PCDH15: variants seen among roughly 807,000 people sequenced by gnomAD.
The protein encoded by PCDH15 is protocadherin-15.
Under a neutral mutation model 178.5 loss-of-function variants are expected in PCDH15, and 129 were observed. That is an observed-to-expected ratio of 0.72 (90% CI 0.63 to 0.84). PCDH15 has a LOEUF of 0.84. PCDH15 is among the 40% of genes least tolerant of loss of function. The probability of loss-of-function intolerance (pLI) is 0.00; values close to 1 mark genes in which losing one functional copy is unlikely to be tolerated. For missense variants in PCDH15, 2,230 were observed against 2,099.9 expected, an observed-to-expected ratio of 1.06 and a Z score of -1.21; for synonymous variants, 800 against 732.0, an observed-to-expected ratio of 1.09 and a Z score of -1.50.
intron 23 of PCDH15, among the ~76,000 whole-genome samples, chr10:53,957,500 T>A (rs1413636810): frequency 9.5e-6 from 1 of 104,852 alleles, no homozygotes; most frequent in East Asian, 3.6e-4. Context: ...CTATATTTAC[T>A]ATGTTTTTTT....
chr10:55,156,367 T>C (rs1838889990), intron 2 of PCDH15, among the ~76,000 whole-genome samples: 1 of 152,120 alleles, frequency 6.6e-6, no homozygotes, highest in Non-Finnish European at 1.5e-5. Context: ...TTGTGGTCTT[T>C]GGTATAGGTA....
At position 53,878,409 on chromosome 10, in the gene PCDH15, G is replaced by A. The variant is rs184420377; in HGVS notation, c.3502-11552C>T. Among the ~76,000 whole-genome samples, 655 of 119,674 alleles carry A rather than the reference G, an allele frequency of 5.5e-3. 2 individuals carry two copies. The highest frequency in any genetic ancestry group is 0.017 in the African/African-American group (578 of 33,896). 78.5% of individuals were successfully genotyped at this position (119,674 alleles called of 152,430 possible). A position where few individuals can be genotyped will look rare whatever the true frequency, so the allele number is the denominator to read the frequency against. ...GTCTATATATATACTATACTATGGCGTACACACACGTTGAATATATATATA... is the reference window on the plus strand; with the variant it reads ...GTCTATATATATACTATACTATGGCATACACACACGTTGAATATATATATA... On this transcript the variant is annotated intron_variant, in intron 26 of 37. Transcript: ENST00000644397.
intron 7 of PCDH15, among the ~76,000 whole-genome samples, chr10:54,319,832 G>A (rs1384248658): frequency 1.3e-5 from 2 of 151,574 alleles, no homozygotes; most frequent in Non-Finnish European, 2.9e-5. Flanking sequence ...GTACATTTTG[G>A]TTAAGCTCAT....
intron 2 of PCDH15, among the ~76,000 whole-genome samples, chr10:55,473,628 G>T (rs544811838): frequency 3.8e-4 from 58 of 152,212 alleles, no homozygotes; most frequent in African/African-American, 1.4e-3. Context: ...TGAGTAAACT[G>T]TAATCCTGTA....
intron 10 of PCDH15, among the ~76,000 whole-genome samples, chr10:54,207,361 GTT>G (rs1352008581): frequency 4.9e-5 from 6 of 122,944 alleles, no homozygotes; most frequent in African/African-American, 2.0e-4. Context: ...ATACTGTTTT[GTT>G]TTGTGTGTGT....
chr10:55,103,509 G>T (rs572868738), intron 2 of PCDH15, among the ~76,000 whole-genome samples: 1 of 152,202 alleles, frequency 6.6e-6, no homozygotes, highest in South Asian at 2.1e-4. Flanking sequence ...GATTGGTTTT[G>T]TTGTAAATCC....
At chr10:54,667,201 A>G (rs181799848) in intron 1 of PCDH15, among the ~76,000 whole-genome samples, 10 of 152,156 alleles carry the variant, frequency 6.6e-5, no homozygotes, top group South Asian at 2.1e-4. Context: ...TCTTTCATCT[A>G]TATCTGCCTG....
intron 2 of PCDH15, among the ~76,000 whole-genome samples, chr10:54,543,765 C>A (rs2085527653): frequency 6.6e-6 from 1 of 152,136 alleles, no homozygotes; most frequent in South Asian, 2.1e-4. Flanking sequence ...ACTGCCTATT[C>A]TAACCCGAGA....
intron 2 of PCDH15, among the ~76,000 whole-genome samples, chr10:54,632,678 C>T (rs895841787): frequency 1.3e-5 from 2 of 152,080 alleles, no homozygotes; most frequent in Admixed American, 6.6e-5. Context: ...GGGACACTGA[C>T]ATCCTCCTTC....
intron 20 of PCDH15, among the ~76,000 whole-genome samples, chr10:54,006,712 A>G (rs933692000): frequency 6.6e-6 from 1 of 152,062 alleles, no homozygotes; most frequent in South Asian, 2.1e-4. Flanking sequence ...TTTTTCTTCT[A>G]TTCTATGGGG....
rs558136943 is a variant in PCDH15 at position 54,408,168 on chromosome 10, A to T, written c.158-29226T>A. ...AGGAACATAATTAGCTGTTTTTTTA[A>T]AAAAAAAAAATTGATGCATGCTTGC... is the stretch of plus-strand genomic sequence containing the variant. On this transcript the variant is annotated intron_variant, in intron 3 of 37. Transcript: ENST00000644397. Among the ~76,000 whole-genome samples, 1,113 of 149,060 alleles carry T rather than the reference A, an allele frequency of 7.5e-3. 9 individuals are homozygous for T. Among genetic ancestry groups the T allele is most frequent in the African/African-American group, 0.024 (994 of 40,784 alleles).
intron 3 of PCDH15, among the ~76,000 whole-genome samples, chr10:54,422,838 T>G (rs1399103661): frequency 6.6e-6 from 1 of 152,150 alleles, no homozygotes; most frequent in African/African-American, 2.4e-5. Context: ...TTCTGAAAAT[T>G]CTGAGCATGT....
chr10:54,337,132 C>T (rs910282424), intron 6 of PCDH15, among the ~76,000 whole-genome samples: 1 of 148,298 alleles, frequency 6.7e-6, no homozygotes, highest in Non-Finnish European at 1.5e-5. Flanking sequence ...ATATTCATAC[C>T]CAATGCCTGT....
At chr10:55,109,245 C>T (rs919483828) in intron 2 of PCDH15, among the ~76,000 whole-genome samples, 13 of 152,146 alleles carry the variant, frequency 8.5e-5, no homozygotes, top group Non-Finnish European at 1.3e-4. Context: ...TGGAGTTTAT[C>T]GAAGAATGTG....
At chr10:54,161,210 A>G (rs144621437) in intron 13 of PCDH15, among the ~76,000 whole-genome samples, 1 of 152,280 alleles carries the variant, frequency 6.6e-6, no homozygotes, top group African/African-American at 2.4e-5. Flanking sequence ...AAGTAACTCA[A>G]AGAAACAGAT....
At chr10:53,907,310 G>A (rs2082747186) in intron 25 of PCDH15, 1 of 152,046 alleles carries the variant, frequency 6.6e-6, no homozygotes, top group African/African-American at 2.4e-5. Flanking sequence ...TTTATTTAAT[G>A]TAGACATCAA....
intron 8 of PCDH15, among the ~76,000 whole-genome samples, chr10:54,247,502 GT>G (rs2056068423): frequency 7.2e-6 from 1 of 139,736 alleles, no homozygotes; most frequent in Admixed American, 6.9e-5. Flanking sequence ...AAATAATGAT[GT>G]TTTTTGAGAA....
intron 13 of PCDH15, among the ~76,000 whole-genome samples, chr10:54,154,855 T>G (rs757782026): frequency 6.6e-5 from 10 of 152,136 alleles, no homozygotes; most frequent in Non-Finnish European, 1.5e-4. Flanking sequence ...TGTATAAGCC[T>G]GACAGACATA....
intron 32 of PCDH15, chr10:53,823,129 T>C (rs1396040862): frequency 1.2e-6 from 2 of 1,613,954 alleles, no homozygotes; most frequent in East Asian, 2.2e-5. Flanking sequence ...ACTTGACTTA[T>C]GTTTTCCTTA....
Sources: gnomAD v4.1 joint callset for allele counts (sites outside exome capture counted in the v4.1 genomes callset) on GRCh38, gnomAD v4.1.1 for gene constraint, MANE v1.5 for transcripts, NCBI Gene and HGNC (gene_info 2026-07-23, HGNC 2026-07-21) for gene names.